ABCB1: variants seen among roughly 807,000 people sequenced by gnomAD.
ABCB1 encodes ATP binding cassette subfamily B member 1.
ABCB1 carries 69 observed loss-of-function variants against 142.0 expected under a neutral mutation model. The ratio of observed to expected loss-of-function variants is 0.49; its 90% CI spans 0.40 to 0.59. ABCB1 has a LOEUF of 0.59. Among genes scored for constraint, ABCB1 ranks in the 20% least tolerant of loss-of-function variants. The probability of loss-of-function intolerance (pLI) is 0.00; values close to 1 mark genes in which losing one functional copy is unlikely to be tolerated. For synonymous variants in ABCB1, 532 were observed against 539.2 expected (o/e 0.99, Z 0.18); for missense variants, 1,326 against 1,554.7 (o/e 0.85, Z 2.47).
At chr7:87,518,387 T>TACA in intron 23 of ABCB1, among the ~76,000 whole-genome samples, 1 of 152,310 alleles carries the variant, frequency 6.6e-6, no homozygotes, top group South Asian at 2.1e-4. Context: ...TAAAGCAATA[T>TACA]ATCAAATAAT....
chr7:87,683,532 T>C (rs1322283424), intron 1 of ABCB1, among the ~76,000 whole-genome samples: 1 of 152,148 alleles, frequency 6.6e-6, no homozygotes, highest in East Asian at 1.9e-4. Context: ...CTCAAGGGAA[T>C]AGGGAGACCT....
At chr7:87,563,067 A>C (rs1043070869) in intron 7 of ABCB1, among the ~76,000 whole-genome samples, 12 of 152,218 alleles carry the variant, frequency 7.9e-5, no homozygotes, top group African/African-American at 2.9e-4. Flanking sequence ...TCTAGAATAA[A>C]TGGATAAATT....
upstream of ABCB1, among the ~76,000 whole-genome samples, chr7:87,602,636 T>G (rs1013176394): frequency 2.0e-4 from 31 of 152,214 alleles, no homozygotes; most frequent in African/African-American, 2.2e-4. Context: ...AGTGCTATAC[T>G]GTTATGTTGA....
rs2235030 is a variant in ABCB1 at position 87,550,610 on chromosome 7, G to A, written c.1114-32C>T. The A allele has an allele frequency of 1.4e-4, 218 of 1,596,240 alleles. 2 individuals carry two copies. The African/African-American group carries it at 2.2e-3, about 16-fold the overall frequency. ...AGAATCAAATTTTAAGAGATTACTA[G>A]GTTACAATAACTACTTTTAGTGATA... On this transcript the variant is annotated intron_variant, in intron 10 of 27. Coordinates refer to ENST00000622132, the MANE Select transcript of ABCB1 (RefSeq NM_001348946.2).
chr7:87,608,404 G>T (rs1819735847), intron 1 of ABCB1, among the ~76,000 whole-genome samples: 1 of 152,150 alleles, frequency 6.6e-6, no homozygotes, highest in Admixed American at 6.5e-5. Context: ...AATGAAATCT[G>T]GCTATAAAGT....
At position 87,667,246 on chromosome 7, in the gene ABCB1, C is replaced by T. The variant is rs935903535; in HGVS notation, c.-331+45915G>A. ...GCTATGAAGTTTATTCTTTTTCTGG[C>T]AGTTGTGAGTGGGATTGCCATTCTG... On this transcript the variant is annotated intron_variant, in intron 1 of 28. Coordinates refer to the ABCB1 transcript ENST00000265724. Among the ~76,000 whole-genome samples the T allele has an allele frequency of 2.0e-5, 3 of 151,936 alleles. No individual in the cohort carries two copies. The South Asian group carries it at 6.2e-4, about 32-fold the overall frequency.
intron 1 of ABCB1, among the ~76,000 whole-genome samples, chr7:87,621,453 A>T (rs1820218255): frequency 6.6e-6 from 1 of 152,144 alleles, no homozygotes; most frequent in Admixed American, 6.5e-5. Flanking sequence ...TGTTTGGAAA[A>T]ATTAGGCTCT....
At chr7:87,524,600 G>C (rs1487339662) in intron 21 of ABCB1, among the ~76,000 whole-genome samples, 1 of 152,092 alleles carries the variant, frequency 6.6e-6, no homozygotes, top group Non-Finnish European at 1.5e-5. Context: ...AGAGGGAAGG[G>C]GGGAGGGATA....
chr7:87,521,846 G>C (rs1423623012), intron 21 of ABCB1: 1 of 772,404 alleles, frequency 1.3e-6, no homozygotes, highest in Non-Finnish European at 2.3e-6. Flanking sequence ...GAATAGTATG[G>C]AAAAATTGAA....
intron 19 of ABCB1, among the ~76,000 whole-genome samples, chr7:87,536,797 G>C (rs1344477521): frequency 6.6e-6 from 1 of 152,140 alleles, no homozygotes; most frequent in Non-Finnish European, 1.5e-5. Context: ...GAACAAAAAA[G>C]ACAAAGTAGC....
At chr7:87,564,068 G>T in intron 7 of ABCB1, 1 of 421,386 alleles carries the variant, frequency 2.4e-6, no homozygotes, top group Middle Eastern at 7.1e-4. Context: ...ATGGGTACTA[G>T]GCTTAATACT....
At chr7:87,585,315 A>C (rs1338919891) in intron 4 of ABCB1, among the ~76,000 whole-genome samples, 197 bp downstream of exon 4, 1 of 152,132 alleles carries the variant, frequency 6.6e-6, no homozygotes, top group Non-Finnish European at 1.5e-5. Flanking sequence ...CTCTGCTGGC[A>C]CTTCAGTTGT....
At chr7:87,583,594 T>C (rs1818611436) in intron 4 of ABCB1, among the ~76,000 whole-genome samples, 2 of 152,104 alleles carry the variant, frequency 1.3e-5, no homozygotes, top group Admixed American at 1.3e-4. Context: ...GTGGCCCCTG[T>C]TTAACCTAGG....
chr7:87,504,275 C>G lies in ABCB1; in HGVS notation c.3811G>C (p.Val1271Leu). The change falls in exon 28 of 28, where the codon GTC becomes CTC. Residue 1271 changes from valine (V) to leucine (L), a missense_variant. Transcript: ENST00000622132. ...LAQKGIYFSM[V>L]SVQAGTKRQ ...CGCTTTGTTCCAGCCTGGACACTGA[C>G]CATTGAAAAATAGATGCCTTTCTGT... 2 of 1,614,108 alleles carry G rather than the reference C, an allele frequency of 1.2e-6. No homozygotes were observed. Among genetic ancestry groups the G allele is most frequent in the Non-Finnish European group, 1.7e-6 (2 of 1,180,026 alleles).
rs375435720 is a variant in ABCB1 at position 87,672,835 on chromosome 7, G to A, written c.-331+40326C>T. Among the ~76,000 whole-genome samples the A allele has an allele frequency of 3.7e-4, 57 of 152,210 alleles. No homozygotes were observed. The South Asian group carries it at 0.011, about 31-fold the overall frequency. ...CCTGGCTCTGCGTTACTCCTGGGTG[G>A]GCTGTTGTCCTGTCTTGCTTTTCTT... On this transcript the variant is annotated intron_variant, in intron 1 of 28. Transcript: ENST00000265724.
At chr7:87,595,729 C>T (rs201392511) in intron 3 of ABCB1, 37 bp downstream of exon 3, 152 of 1,512,690 alleles carry the variant, frequency 1.0e-4, no homozygotes, top group East Asian at 1.8e-4. Context: ...GTCAAATTTC[C>T]GAAGTATTTT....
intron 2 of ABCB1, among the ~76,000 whole-genome samples, chr7:87,598,795 C>T (rs2129994634): frequency 6.6e-6 from 1 of 152,314 alleles, no homozygotes; most frequent in African/African-American, 2.4e-5. Context: ...ATCTTCCAGA[C>T]AGCTTCAGTG....
chr7:87,694,158 T>C, intron 1 of ABCB1: 1 of 471,142 alleles, frequency 2.1e-6, no homozygotes, highest in Non-Finnish European at 2.8e-6. Context: ...AAAATTAAAA[T>C]CTTGTAAATC....
intron 1 of ABCB1, among the ~76,000 whole-genome samples, chr7:87,625,180 C>T (rs78563230): frequency 0.013 from 2,013 of 152,198 alleles, 46 homozygotes; most frequent in African/African-American, 0.046. Context: ...CGGCATGAAC[C>T]CGGGTGGCGG....
Sources: allele counts gnomAD v4.1 joint callset (sites outside exome capture counted in the v4.1 genomes callset), GRCh38; gene constraint gnomAD v4.1.1; transcripts MANE v1.5; gene names NCBI Gene and HGNC (gene_info 2026-07-23, HGNC 2026-07-21).